The following NEK11 variants were observed in gnomAD, a reference collection of about 807,000 sequenced individuals.
NEK11 encodes the protein serine/threonine-protein kinase Nek11.
A neutral mutation model predicts 80.7 loss-of-function variants in NEK11; 72 were observed. The ratio of observed to expected loss-of-function variants is 0.89; its 90% CI spans 0.74 to 1.08. The LOEUF (loss-of-function observed/expected upper bound fraction) is 1.08. Ranked by LOEUF, NEK11 falls within the 50% of genes least tolerant of loss-of-function variation. NEK11 has a pLI of 0.00. For missense variants in NEK11, 764 were observed against 763.6 expected (o/e 1.00, Z -0.01); for synonymous variants, 251 against 260.7 (o/e 0.96, Z 0.36).
intron 3 of NEK11, 47 bp from the exon 4 acceptor site, chr3:131,080,376 A>T (rs201895450): frequency 1.4e-6 from 2 of 1,391,454 alleles, no homozygotes; most frequent in East Asian, 4.6e-5. Context: ...TATTTGTTAA[A>T]TGTGTTTTTC....
chr3:131,133,871 C>T lies in NEK11; in HGVS notation c.562C>T (p.Leu188=). 1 of 1,611,630 alleles carries T rather than the reference C, an allele frequency of 6.2e-7. No homozygotes were observed. The highest frequency in any genetic ancestry group is 1.1e-5 in the South Asian group (1 of 90,728). Residue 188 remains leucine, a synonymous_variant, in exon 7 of 18, where the codon CTG becomes TTG. Transcript: ENST00000383366. ...VSRLLMGSCD[L]ATTLTGTPHY... The stretch of plus-strand genomic sequence containing the variant: ...TCGACTTCTAATGGGATCCTGTGAC[C>T]TGGCCACAACTTTAACTGGAACTCC...
intron 17 of NEK11, among the ~76,000 whole-genome samples, chr3:131,302,459 G>C (rs2096672162): frequency 6.6e-6 from 1 of 151,928 alleles, no homozygotes. Context: ...TTGTTAATTT[G>C]AGATCTAACT....
chr3:131,312,551 C>T (rs143507377), intron 17 of NEK11, among the ~76,000 whole-genome samples: 87 of 152,256 alleles, frequency 5.7e-4, no homozygotes, highest in African/African-American at 1.9e-3. Flanking sequence ...CTCCAGGGCT[C>T]CTTCCTCTGA....
At chr3:131,049,233 T>C (rs1404178462) in intron 3 of NEK11, among the ~76,000 whole-genome samples, 2 of 152,228 alleles carry the variant, frequency 1.3e-5, no homozygotes, top group African/African-American at 4.8e-5. Context: ...GACCTCATGG[T>C]ATGGACTCAG....
At chr3:131,144,815 C>T (rs2718859) in intron 7 of NEK11, among the ~76,000 whole-genome samples, 126,142 of 152,076 alleles carry the variant, frequency 0.83, 52,431 homozygotes, top group East Asian at 0.93. Context: ...GTCTTCTCTA[C>T]GTGCTAGAGT....
At chr3:131,065,710 C>G (rs2071799323) in intron 3 of NEK11, among the ~76,000 whole-genome samples, 1 of 152,152 alleles carries the variant, frequency 6.6e-6, no homozygotes, top group Non-Finnish European at 1.5e-5. Flanking sequence ...TTTCCTGACT[C>G]TAACTATAAA....
At chr3:131,204,474 A>G (rs2094380685) in intron 14 of NEK11, among the ~76,000 whole-genome samples, 1 of 152,076 alleles carries the variant, frequency 6.6e-6, no homozygotes, top group African/African-American at 2.4e-5. Flanking sequence ...TCAACCTGTG[A>G]GATCTGACAC....
At chr3:131,170,234 A>G (rs1213165097) in intron 13 of NEK11, among the ~76,000 whole-genome samples, 2 of 152,196 alleles carry the variant, frequency 1.3e-5, no homozygotes, top group South Asian at 2.1e-4. Context: ...TGAAATACCT[A>G]TTGATTTTGG....
intron 14 of NEK11, among the ~76,000 whole-genome samples, chr3:131,206,145 G>C (rs888699411): frequency 6.6e-6 from 1 of 152,152 alleles, no homozygotes; most frequent in African/African-American, 2.4e-5. Context: ...TGGTTACCTG[G>C]TTCTGTCCAT....
At chr3:131,075,715 T>G (rs557470798) in intron 3 of NEK11, among the ~76,000 whole-genome samples, 1 of 152,198 alleles carries the variant, frequency 6.6e-6, no homozygotes, top group East Asian at 1.9e-4. Flanking sequence ...CCTTTGGAGG[T>G]TTGGCTTTCA....
chr3:131,312,992 G>A (rs1367630462), intron 17 of NEK11, among the ~76,000 whole-genome samples: 1 of 151,892 alleles, frequency 6.6e-6, no homozygotes, highest in Non-Finnish European at 1.5e-5. Flanking sequence ...CCACCTTCTA[G>A]TAGGCCCCAG....
chr3:131,333,307 A>G lies in NEK11; in HGVS notation c.1719-16250A>G, dbSNP rs985987057. Among the ~76,000 whole-genome samples, 1,499 of 152,328 alleles carry G rather than the reference A, an allele frequency of 9.8e-3. 21 individuals carry two copies. Among genetic ancestry groups the G allele is most frequent in the African/African-American group, 0.032 (1,340 of 41,560 alleles). On this transcript the variant is annotated intron_variant, in intron 17 of 17. Coordinates refer to ENST00000383366, the MANE Select transcript of NEK11 (RefSeq NM_024800.5). ...TACAAGCCAGAAGAGAGTGGGGGCCAATATTCAACATTCTTAAAGAAAAGA... is the reference window on the plus strand; with the variant it reads ...TACAAGCCAGAAGAGAGTGGGGGCCGATATTCAACATTCTTAAAGAAAAGA...
intron 16 of NEK11, among the ~76,000 whole-genome samples, chr3:131,257,760 A>G (rs1363164167): frequency 6.6e-6 from 1 of 152,202 alleles, no homozygotes; most frequent in Non-Finnish European, 1.5e-5. Context: ...GGAAAACAGT[A>G]TGGAGATTCC....
intron 3 of NEK11, among the ~76,000 whole-genome samples, chr3:131,052,644 C>T (rs2068629444): frequency 6.6e-6 from 1 of 152,134 alleles, no homozygotes; most frequent in South Asian, 2.1e-4. Context: ...TATAAGAAAA[C>T]TGTAAACCTG....
At position 131,034,460 on chromosome 3, in the gene NEK11, C is replaced by T. The variant is rs1028478660; in HGVS notation, c.170+4582C>T. On this transcript the variant is annotated intron_variant, in intron 3 of 17. Coordinates refer to ENST00000383366, the MANE Select transcript of NEK11 (RefSeq NM_024800.5). ...TGTCACCCAGGCTGGAGTGCAGTGGCGCGATCTTGGCTCACTGCAAGCTCC... is the reference window on the plus strand; with the variant it reads ...TGTCACCCAGGCTGGAGTGCAGTGGTGCGATCTTGGCTCACTGCAAGCTCC... Among the ~76,000 whole-genome samples, 20 of 151,980 alleles carry T rather than the reference C, an allele frequency of 1.3e-4. No individual in the cohort carries two copies. The East Asian group carries it at 2.9e-3, about 22-fold the overall frequency.
chr3:131,144,380 A>G (rs2087674209), intron 7 of NEK11, among the ~76,000 whole-genome samples: 1 of 152,272 alleles, frequency 6.6e-6, no homozygotes, highest in African/African-American at 2.4e-5. Flanking sequence ...TGTTTATTTC[A>G]GCTCTCCCCC....
chr3:131,170,915 G>T (rs758707675), intron 14 of NEK11, 28 bp downstream of exon 14: 1 of 1,523,036 alleles, frequency 6.6e-7, no homozygotes, highest in Non-Finnish European at 9.1e-7. Flanking sequence ...TTTTCAGAAG[G>T]ATGCTCACAG....
chr3:131,116,931 G>A (rs1276221319), intron 5 of NEK11, among the ~76,000 whole-genome samples: 1 of 152,182 alleles, frequency 6.6e-6, no homozygotes, highest in Non-Finnish European at 1.5e-5. Flanking sequence ...TAGGTTGCCT[G>A]TTCACTCTGA....
rs114565104 is a variant in NEK11, at chr3:131,176,299, A to G, written c.1399+5412A>G. 3.7e-3 allele frequency among the ~76,000 whole-genome samples: 566 copies of G among 152,292 alleles called. 1 individual carries two copies. Among genetic ancestry groups the G allele is most frequent in the Non-Finnish European group, 6.1e-3 (412 of 68,012 alleles). ...GTTCTCAGAAAAGAAGACCAAACAAATGCCAGGGGTTACTTCCACATTCCT... is the reference window on the plus strand; with the variant it reads ...GTTCTCAGAAAAGAAGACCAAACAAGTGCCAGGGGTTACTTCCACATTCCT... On this transcript the variant is annotated intron_variant, in intron 14 of 17. Transcript: ENST00000383366.
Sources: gnomAD v4.1 joint callset for allele counts (sites outside exome capture counted in the v4.1 genomes callset) on GRCh38, gnomAD v4.1.1 for gene constraint, MANE v1.5 for transcripts, NCBI Gene and HGNC (gene_info 2026-07-23, HGNC 2026-07-21) for gene names.